ROPN1: variants seen among roughly 807,000 people sequenced by gnomAD.
The protein encoded by ROPN1 is ropporin-1A.
In ROPN1, 14 loss-of-function variants were observed where a neutral mutation model predicts 20.5. The ratio of observed to expected loss-of-function variants is 0.68; its 90% confidence interval spans 0.45 to 1.07. The LOEUF (loss-of-function observed/expected upper bound fraction) is 1.07. Ranked by LOEUF, ROPN1 falls within the 50% of genes least tolerant of loss-of-function variation. The pLI is 0.00. For synonymous variants in ROPN1, 76 were observed against 95.7 expected (o/e 0.79, Z 1.20); for missense variants, 169 against 242.8 (o/e 0.70, Z 2.02).
intron 1 of ROPN1, among the ~76,000 whole-genome samples, chr3:123,983,537 T>C (rs2038193202): frequency 1.3e-5 from 2 of 152,240 alleles, no homozygotes; most frequent in South Asian, 4.1e-4. Context: ...TAGAGCAAAC[T>C]TAAGTAAAGC....
intron 1 of ROPN1, among the ~76,000 whole-genome samples, chr3:123,985,990 C>T (rs2038243079): frequency 4.7e-4 from 1 of 2,136 alleles, no homozygotes; most frequent in Non-Finnish European, 1.1e-3. Flanking sequence ...AAGACCTTGT[C>T]TCAAAAAAAA....
intron 5 of ROPN1, 27 bp from the exon 6 acceptor site, chr3:123,969,248 T>C: frequency 6.5e-7 from 1 of 1,541,680 alleles, no homozygotes; most frequent in Middle Eastern, 1.7e-4. Flanking sequence ...ATATCTGCAG[T>C]TAGTTCATTG....
Position 123,980,302 on chromosome 3 carries a change from G to C in ROPN1, c.116+64C>G, listed in dbSNP as rs746158039. On this transcript the variant is annotated intron_variant, in intron 2 of 5. Transcript: ENST00000405845. Reference sequence around the variant, plus strand: ...AGCTGCAGCCATGACAACCTCCGCGGTTTTACAGGACCCTCTGTCTCCGGC... The same window carrying C: ...AGCTGCAGCCATGACAACCTCCGCGCTTTTACAGGACCCTCTGTCTCCGGC... The C allele has an allele frequency of 1.9e-6, 3 of 1,542,576 alleles. No individual in the cohort carries two copies. The African/African-American group carries it at 4.1e-5, about 21-fold the overall frequency.
At chr3:123,987,216 G>A (rs1400132347) in intron 1 of ROPN1, among the ~76,000 whole-genome samples, 1 of 152,178 alleles carries the variant, frequency 6.6e-6, no homozygotes, top group Admixed American at 6.5e-5. Flanking sequence ...CTCCTTCCAG[G>A]GTTCCAGTGG....
intron 4 of ROPN1, among the ~76,000 whole-genome samples, chr3:123,972,117 T>G (rs1344036516): frequency 6.6e-6 from 1 of 152,148 alleles, no homozygotes; most frequent in Admixed American, 6.5e-5. Context: ...GACAACAAAT[T>G]TCTGTTGTTC....
intron 2 of ROPN1, chr3:123,979,706 G>C: frequency 2.5e-6 from 1 of 402,420 alleles, no homozygotes; most frequent in Non-Finnish European, 4.9e-6. Flanking sequence ...CCATCACTCT[G>C]CTTGGCCTTT....
rs115506615 is a variant in ROPN1 at position 123,987,966 on chromosome 3, T to C, written c.-13+3956A>G. ...ATCCACAATTCTAGGGACACATGGC[T>C]CATTTACAGACTGGCATGTAAACTA... is the stretch of plus-strand genomic sequence containing the variant. On this transcript the variant is annotated intron_variant, in intron 1 of 5. Transcript: ENST00000405845. 3.8e-3 allele frequency among the ~76,000 whole-genome samples: 585 copies of C among 152,332 alleles called. 4 individuals carry two copies. The highest frequency in any genetic ancestry group is 0.014 in the African/African-American group (565 of 41,572).
At chr3:123,989,144 G>C (rs2038340046) in intron 1 of ROPN1, among the ~76,000 whole-genome samples, 1 of 152,150 alleles carries the variant, frequency 6.6e-6, no homozygotes, top group African/African-American at 2.4e-5. Flanking sequence ...ATTTCATGTA[G>C]GTAGAAGGAC....
At chr3:123,985,066 GC>G (rs1257557122) in intron 1 of ROPN1, among the ~76,000 whole-genome samples, 3 of 152,208 alleles carry the variant, frequency 2.0e-5, no homozygotes, top group Non-Finnish European at 4.4e-5. Context: ...CTACAGGTGT[GC>G]CATGAAAGAT....
At chr3:123,986,435 T>A (rs1478895344) in intron 1 of ROPN1, among the ~76,000 whole-genome samples, 1 of 152,122 alleles carries the variant, frequency 6.6e-6, no homozygotes, top group African/African-American at 2.4e-5. Context: ...GGAGACTGTG[T>A]GTGCTGTTGC....
At position 123,969,038 on chromosome 3, in the gene ROPN1, G is replaced by T; in HGVS notation, c.*117C>A. 1.2e-6 allele frequency: 1 copy of T among 809,592 alleles called. No individual in the cohort carries two copies. The highest frequency in any genetic ancestry group is 1.4e-5 in the South Asian group (1 of 70,234). 50.2% of individuals were successfully genotyped at this position (809,592 alleles called of 1,614,324 possible). Reference sequence around the variant, plus strand: ...CATTTCTGATCTCATATGTTTAATTGTTTATTAGTGTGTACCAGTTGTACA... The same window carrying T: ...CATTTCTGATCTCATATGTTTAATTTTTTATTAGTGTGTACCAGTTGTACA... On this transcript the variant is annotated 3_prime_UTR_variant, in exon 6 of 6. Transcript: ENST00000405845.
intron 4 of ROPN1, chr3:123,974,536 C>T (rs999145369): frequency 6.6e-6 from 1 of 152,160 alleles, no homozygotes; most frequent in African/African-American, 2.4e-5. Context: ...ATATGTATTC[C>T]AAGCATATTT....
At chr3:123,976,207 C>T (rs1248752258) in intron 3 of ROPN1, among the ~76,000 whole-genome samples, 1 of 152,200 alleles carries the variant, frequency 6.6e-6, no homozygotes. Flanking sequence ...GCTCCAACAC[C>T]TTTCCTGACT....
intron 2 of ROPN1, among the ~76,000 whole-genome samples, chr3:123,978,001 C>T (rs542155997): frequency 1.9e-4 from 29 of 152,196 alleles, no homozygotes; most frequent in Middle Eastern, 3.4e-3. Context: ...AAATTTCTGT[C>T]CCGCCCTGCT....
intron 1 of ROPN1, chr3:123,980,802 A>G (rs1025682975): frequency 1.5e-5 from 4 of 271,738 alleles, no homozygotes; most frequent in Non-Finnish European, 2.8e-5. Flanking sequence ...AAAATCCAGA[A>G]TTTTTCAGTA....
In ROPN1 at chr3:123,969,226, T is replaced by C; in HGVS notation, c.573-5A>G. On this transcript the variant is annotated splice_polypyrimidine_tract_variant and splice_region_variant and intron_variant, in intron 5 of 5. Coordinates refer to ENST00000405845, the MANE Select transcript of ROPN1 (RefSeq NM_001317774.2). ...ATTATACCATCAGGGCCAATTCTGT[T>C]TGGAAAAAGGTATATCTGCAGTTAG... The C allele has an allele frequency of 1.2e-6, 2 of 1,611,050 alleles. No homozygotes were observed. The highest frequency in any genetic ancestry group is 1.7e-6 in the Non-Finnish European group (2 of 1,177,356).
chr3:123,984,146 T>C (rs1037978776), intron 1 of ROPN1, among the ~76,000 whole-genome samples: 3 of 152,194 alleles, frequency 2.0e-5, no homozygotes, highest in African/African-American at 7.2e-5. Flanking sequence ...CAGCATTCTT[T>C]CTGTTGCTCT....
chr3:123,985,469 T>C (rs1457696985), intron 1 of ROPN1, among the ~76,000 whole-genome samples: 2 of 152,098 alleles, frequency 1.3e-5, no homozygotes, highest in Non-Finnish European at 2.9e-5. Context: ...ACCATCACCA[T>C]CATCATCATC....
intron 2 of ROPN1, chr3:123,979,671 CT>C (rs936755631): frequency 2.3e-5 from 9 of 394,320 alleles, no homozygotes; most frequent in African/African-American, 1.9e-4. Flanking sequence ...TTGAGGCACA[CT>C]GTTTTCAGCC....
Sources: gnomAD v4.1 joint callset for allele counts (sites outside exome capture counted in the v4.1 genomes callset) on GRCh38, gnomAD v4.1.1 for gene constraint, MANE v1.5 for transcripts, NCBI Gene and HGNC (gene_info 2026-07-23, HGNC 2026-07-21) for gene names.